Variants in DNAH3 observed in about 807,000 individuals in gnomAD.
The protein encoded by DNAH3 is axonemal beta dynein heavy chain 3.
DNAH3 carries 332 observed loss-of-function variants against 432.5 expected under a neutral mutation model. The ratio of observed to expected loss-of-function variants is 0.77; its 90% CI spans 0.70 to 0.84. The LOEUF (loss-of-function observed/expected upper bound fraction) is 0.84. DNAH3 is among the 40% of genes least tolerant of loss of function. DNAH3 has a pLI of 0.00. For synonymous variants in DNAH3, 1,956 were observed against 1,900.2 expected (o/e 1.03, Z -0.76); for missense variants, 4,861 against 5,114.0 (o/e 0.95, Z 1.51).
chr16:21,136,234 C>T (rs2092641300), intron 6 of DNAH3, 90 bp downstream of exon 7: 1 of 1,290,378 alleles, frequency 7.7e-7, no homozygotes, highest in South Asian at 1.4e-5. Context: ...AGCAACAAAG[C>T]AAGACCTTGT....
intron 41 of DNAH3, among the ~76,000 whole-genome samples, chr16:21,004,766 T>C (rs923192184): frequency 5.9e-5 from 9 of 151,856 alleles, no homozygotes; most frequent in African/African-American, 2.2e-4. Context: ...CCCTCTTCCT[T>C]CTTTGGAGTA....
intron 49 of DNAH3, among the ~76,000 whole-genome samples, chr16:20,982,281 G>A (rs1301054957): frequency 1.3e-5 from 2 of 152,058 alleles, no homozygotes; most frequent in Non-Finnish European, 2.9e-5. Flanking sequence ...CTGCTTGGGG[G>A]AGGCTGAGGC....
At chr16:20,990,471 T>C (rs901693257) in intron 44 of DNAH3, among the ~76,000 whole-genome samples, 4 of 152,344 alleles carry the variant, frequency 2.6e-5, no homozygotes, top group Non-Finnish European at 4.4e-5. Flanking sequence ...TTCAGGGTTG[T>C]GCAACCATTA....
At chr16:20,979,653 G>A in intron 49 of DNAH3, 107 bp from the exon 50 acceptor site, 1 of 993,218 alleles carries the variant, frequency 1.0e-6, no homozygotes, top group Non-Finnish European at 1.5e-6. Context: ...TACACTGACT[G>A]TGACACGTTA....
chr16:21,106,660 T>C (rs776416314), exon 15 of DNAH3: 2 of 1,531,766 alleles, frequency 1.3e-6, no homozygotes, highest in East Asian at 2.3e-5. Context: ...GATGTGGCTG[T>C]ACTGATTACA....
At chr16:20,942,518 T>A (rs1567498380) in intron 58 of DNAH3, among the ~76,000 whole-genome samples, 2 of 152,174 alleles carry the variant, frequency 1.3e-5, no homozygotes, top group Non-Finnish European at 2.9e-5. Flanking sequence ...CTGGTTTACC[T>A]TCATACCAGT....
chr16:21,095,772 C>T (rs2091658289), intron 18 of DNAH3, among the ~76,000 whole-genome samples: 1 of 151,942 alleles, frequency 6.6e-6, no homozygotes, highest in African/African-American at 2.4e-5. Flanking sequence ...TTTATAAATA[C>T]TGTTTTTTTT....
At chr16:20,959,657 C>CACA (rs2084733601) in intron 53 of DNAH3, among the ~76,000 whole-genome samples, 1 of 132,150 alleles carries the variant, frequency 7.6e-6, no homozygotes, top group Admixed American at 7.4e-5. Flanking sequence ...ACACACACAC[C>CACA]CCAACACAAA....
exon 24 of DNAH3, chr16:21,067,288 G>C (rs755932936): frequency 7.4e-6 from 12 of 1,613,864 alleles, no homozygotes. Context: ...GATACCTGGG[G>C]AAGAATAGTC....
exon 52 of DNAH3, chr16:20,969,953 G>A (rs949552481): frequency 1.2e-6 from 2 of 1,613,996 alleles, no homozygotes; most frequent in African/African-American, 2.7e-5. Flanking sequence ...AGCCTCGAGT[G>A]CAGGCATTGC....
exon 5 of DNAH3, chr16:21,140,640 G>C: frequency 6.2e-7 from 1 of 1,614,058 alleles, no homozygotes; most frequent in Non-Finnish European, 8.5e-7. Flanking sequence ...CTGCTTCCTG[G>C]GAACGTCAAA....
At chr16:21,122,221 G>T in intron 9 of DNAH3, 97 bp from the exon 11 acceptor site, 1 of 1,052,110 alleles carries the variant, frequency 9.5e-7, no homozygotes, top group South Asian at 1.6e-5. Flanking sequence ...ATGAGGACCA[G>T]AAAAGGCAAT....
intron 44 of DNAH3, among the ~76,000 whole-genome samples, chr16:20,991,243 C>A (rs2086543013): frequency 6.6e-6 from 1 of 151,880 alleles, no homozygotes; most frequent in African/African-American, 2.4e-5. Flanking sequence ...TTTAATTCTG[C>A]CAGTTAAAAC....
chr16:21,124,380 A>G (rs532868297), intron 9 of DNAH3, among the ~76,000 whole-genome samples: 30 of 152,306 alleles, frequency 2.0e-4, no homozygotes, highest in African/African-American at 6.0e-4. Flanking sequence ...AAATTTTCTT[A>G]ACAACTTCTC....
chr16:21,049,594 C>T, exon 31 of DNAH3: 1 of 1,614,158 alleles, frequency 6.2e-7, no homozygotes, highest in Non-Finnish European at 8.5e-7. Flanking sequence ...CTCATCAAAG[C>T]ACGCCCATGC....
chr16:21,116,039 C>T (rs937889494), intron 12 of DNAH3, among the ~76,000 whole-genome samples: 1 of 152,098 alleles, frequency 6.6e-6, no homozygotes, highest in African/African-American at 2.4e-5. Flanking sequence ...CAGGACAGCC[C>T]CCACAATATA....
exon 53 of DNAH3, chr16:20,965,004 G>A (rs2084989479): frequency 1.9e-6 from 3 of 1,614,000 alleles, no homozygotes; most frequent in Non-Finnish European, 2.5e-6. Flanking sequence ...GCTTTTGGGA[G>A]CAGATTTCAA....
At chr16:21,038,002 T>C (rs1341469225) in intron 33 of DNAH3, 22 bp from the exon 34 acceptor site, 2 of 1,607,654 alleles carry the variant, frequency 1.2e-6, no homozygotes, top group Non-Finnish European at 1.7e-6. Flanking sequence ...AAGACATGTA[T>C]GCGGACACCC....
chr16:21,121,654 T>A (rs2092344825), intron 10 of DNAH3, among the ~76,000 whole-genome samples: 1 of 147,406 alleles, frequency 6.8e-6, no homozygotes, highest in Non-Finnish European at 1.5e-5. Context: ...CAGGCAGGAG[T>A]GCGGTGACGC....
Sources: allele counts gnomAD v4.1 joint callset (sites outside exome capture counted in the v4.1 genomes callset), GRCh38; gene constraint gnomAD v4.1.1; transcripts MANE v1.5; gene names NCBI Gene and HGNC (gene_info 2026-07-23, HGNC 2026-07-21).